Variants in USP25 observed in about 807,000 individuals in gnomAD.
The protein encoded by USP25 is ubiquitin specific peptidase 25.
In USP25, 85 loss-of-function variants were observed where a neutral mutation model predicts 158.5. The observed-to-expected ratio is 0.54, with a 90% CI of 0.45 to 0.64. The LOEUF (loss-of-function observed/expected upper bound fraction) is 0.64, where lower values mean the gene tolerates loss of function less well. Ranked by LOEUF, USP25 falls within the 30% of genes least tolerant of loss-of-function variation. USP25 has a pLI of 0.00. For missense variants in USP25, 1,242 were observed against 1,327.3 expected (o/e 0.94, Z 1.00); for synonymous variants, 464 against 460.4 (o/e 1.01, Z -0.10).
At chr21:15,799,881 T>G (rs748802732) in intron 6 of USP25, 38 bp downstream of exon 6, 2 of 1,377,424 alleles carry the variant, frequency 1.5e-6, no homozygotes, top group Non-Finnish European at 2.0e-6. Flanking sequence ...GTATATATAC[T>G]CTATATGTTC....
At chr21:15,832,034 T>C (rs1265243669) in intron 16 of USP25, among the ~76,000 whole-genome samples, 1 of 152,236 alleles carries the variant, frequency 6.6e-6, no homozygotes, top group African/African-American at 2.4e-5. Flanking sequence ...TCTGCTCATA[T>C]CAAACCATTT....
In USP25 at chr21:15,875,784, G is replaced by A. The variant is rs573287301; in HGVS notation, c.3009+1258G>A. Among the ~76,000 whole-genome samples the A allele has an allele frequency of 6.0e-4, 91 of 152,286 alleles. No individual in the cohort carries two copies. The highest frequency in any genetic ancestry group is 2.1e-3 in the African/African-American group (88 of 41,554). ...AGTGATGAAGCTGACAATACTTGTC[G>A]ATGTCAGATGATGAAGAAACTTAGA... On this transcript the variant is annotated intron_variant, in intron 24 of 25. Coordinates refer to ENST00000400183, the MANE Select transcript of USP25 (RefSeq NM_001283041.3). The surrounding 1 kb of genome is among the most constrained non-coding windows in gnomAD (Gnocchi z 4.7).
At chr21:15,784,526 C>G (rs577840097) in intron 4 of USP25, among the ~76,000 whole-genome samples, 1 of 151,964 alleles carries the variant, frequency 6.6e-6, no homozygotes, top group South Asian at 2.1e-4. Context: ...GAGCCGAGAT[C>G]ACGCCATTGG....
chr21:15,872,185 A>G (rs895859529), intron 23 of USP25, among the ~76,000 whole-genome samples: 10 of 152,116 alleles, frequency 6.6e-5, no homozygotes, highest in Non-Finnish European at 1.5e-4. Flanking sequence ...AGTCCTGAGA[A>G]CAGTGAAGTG....
chr21:15,845,817 T>C (rs1038368800), intron 18 of USP25, among the ~76,000 whole-genome samples: 1 of 152,230 alleles, frequency 6.6e-6, no homozygotes, highest in Non-Finnish European at 1.5e-5. Context: ...TCTTATATGC[T>C]AGAAAGATTA....
At chr21:15,741,079 C>T (rs970998282) in intron 1 of USP25, among the ~76,000 whole-genome samples, 2 of 152,016 alleles carry the variant, frequency 1.3e-5, no homozygotes, top group African/African-American at 4.8e-5. Flanking sequence ...ATTTTTATTA[C>T]TGTAGATCAG....
chr21:15,736,914 CTTTTT>C (rs76186194), intron 1 of USP25, among the ~76,000 whole-genome samples: 3 of 125,472 alleles, frequency 2.4e-5, no homozygotes, highest in African/African-American at 8.8e-5. Flanking sequence ...TGCCACTCTG[CTTTTT>C]TTTTTTTTCC....
At chr21:15,829,859 A>C (rs1456790203) in intron 14 of USP25, among the ~76,000 whole-genome samples, 1 of 152,154 alleles carries the variant, frequency 6.6e-6, no homozygotes, top group African/African-American at 2.4e-5. Flanking sequence ...GGCTTAAGAC[A>C]GGTCTTTCCC....
chr21:15,800,329 T>G (rs2036069227), intron 6 of USP25, among the ~76,000 whole-genome samples: 1 of 151,258 alleles, frequency 6.6e-6, no homozygotes. Flanking sequence ...AGGGCCAGAT[T>G]GCGTGGGTTC....
intron 3 of USP25, among the ~76,000 whole-genome samples, chr21:15,767,110 T>C (rs1338852994): frequency 6.6e-6 from 1 of 152,194 alleles, no homozygotes; most frequent in East Asian, 1.9e-4. Flanking sequence ...TAGACCTGTT[T>C]ACTTAACGTC....
At chr21:15,811,269 G>C in intron 9 of USP25, 59 bp downstream of exon 9, 1 of 1,433,078 alleles carries the variant, frequency 7.0e-7, no homozygotes, top group South Asian at 1.2e-5. Context: ...TCATTCATTC[G>C]TCTCGATAGT....
intron 4 of USP25, among the ~76,000 whole-genome samples, chr21:15,782,591 C>T (rs1293803185): frequency 6.6e-6 from 1 of 152,186 alleles, no homozygotes; most frequent in Non-Finnish European, 1.5e-5. Context: ...CCACCACAGT[C>T]ATGGGCTTCT....
Position 15,827,045 on chromosome 21 carries a change from T to C in USP25, c.1535T>C (p.Ile512Thr). Residue 512 changes from isoleucine (I) to threonine (T), a missense_variant, in exon 14 of 26, where the codon ATT becomes ACT. By Grantham distance (89) the Ile-to-Thr change is moderately conservative. Around this residue, in one of 3 missense-constraint regions of USP25, gnomAD observed 627 missense variants for 701.4 expected, o/e 0.89. Coordinates refer to ENST00000400183, the MANE Select transcript of USP25 (RefSeq NM_001283041.3). ...ACATCACCTTCATCAGTTGCTGCCA[T>C]TTCATCGAGATCAGTAATACACAAA... ...PSTSPSSVAA[I>T]SSRSVIHKPF... 1 of 1,614,152 alleles carries C rather than the reference T, an allele frequency of 6.2e-7. No individual in the cohort carries two copies. Among genetic ancestry groups the C allele is most frequent in the Non-Finnish European group, 8.5e-7 (1 of 1,180,020 alleles).
At position 15,842,510 on chromosome 21, in the gene USP25, A is replaced by G. The variant is rs1314206523; in HGVS notation, c.2307A>G (p.Glu769=). Residue 769 remains glutamate, a synonymous_variant, in exon 18 of 26, where the codon GAA becomes GAG. Coordinates refer to ENST00000400183, the MANE Select transcript of USP25 (RefSeq NM_001283041.3). ...QIITKASHEH[E]DKSPETVLQS... ...TTACCAAGGCATCACATGAGCATGA[A>G]GATAAAAGTCCTGAAACAGTTTTGC... is the stretch of plus-strand genomic sequence containing the variant. 2 of 1,613,694 alleles carry G rather than the reference A, an allele frequency of 1.2e-6. No individual in the cohort carries two copies. Among genetic ancestry groups the G allele is most frequent in the Admixed American group, 1.7e-5 (1 of 59,966 alleles).
intron 23 of USP25, 47 bp downstream of exon 23, chr21:15,870,194 A>C: frequency 7.2e-7 from 1 of 1,391,674 alleles, no homozygotes; most frequent in Middle Eastern, 1.8e-4. Flanking sequence ...TTTTGCACTT[A>C]ATTCTATTCA....
chr21:15,747,056 CTT>C (rs1443399669), intron 1 of USP25, among the ~76,000 whole-genome samples: 1 of 152,040 alleles, frequency 6.6e-6, no homozygotes, highest in Non-Finnish European at 1.5e-5. Context: ...GTTTATATAT[CTT>C]TTTATATATT....
At chr21:15,785,491 TA>T (rs760242919) in intron 4 of USP25, among the ~76,000 whole-genome samples, 3 of 152,206 alleles carry the variant, frequency 2.0e-5, no homozygotes, top group Non-Finnish European at 4.4e-5. Flanking sequence ...ATCACAACTA[TA>T]TAAAGCTAGA....
Position 15,769,528 on chromosome 21 carries a change from C to G in USP25, c.268+3387C>G, listed in dbSNP as rs563254888. Among the ~76,000 whole-genome samples the G allele has an allele frequency of 2.6e-5, 4 of 152,040 alleles. No homozygotes were observed. In the South Asian group the frequency reaches 8.3e-4, roughly 31 times the overall value. ...TCAAATGAGTGCCTGTTGTCCCTGG[C>G]TTAAATTGAGAATAAAATTGTTTTG... On this transcript the variant is annotated intron_variant, in intron 3 of 25. Transcript: ENST00000400183.
intron 3 of USP25, among the ~76,000 whole-genome samples, chr21:15,776,587 TC>T (rs766466715): frequency 2.6e-5 from 4 of 151,940 alleles, no homozygotes; most frequent in Non-Finnish European, 2.9e-5. Context: ...GTTTTTTTTT[TC>T]CTCTTCTAAA....
Sources: gnomAD v4.1 joint callset for allele counts (sites outside exome capture counted in the v4.1 genomes callset) on GRCh38, gnomAD v4.1.1 for gene constraint, gnomAD v4.1.1 regional missense constraint, Gnocchi (gnomAD v3.1) non-coding constraint, MANE v1.5 for transcripts, NCBI Gene and HGNC (gene_info 2026-07-23, HGNC 2026-07-21) for gene names.